The following CNTN3 variants were observed in gnomAD, a reference collection of about 807,000 sequenced individuals.
CNTN3 encodes contactin 3, also known as contactin-3.
CNTN3 carries 60 observed loss-of-function variants against 119.1 expected under a neutral mutation model. That is an observed-to-expected ratio of 0.50 (90% confidence interval 0.41 to 0.62). The LOEUF (loss-of-function observed/expected upper bound fraction) is 0.62. CNTN3 is among the 20% of genes least tolerant of loss of function. The probability of loss-of-function intolerance (pLI) is 0.00; values close to 1 mark genes in which losing one functional copy is unlikely to be tolerated. For synonymous variants in CNTN3, 450 were observed against 438.7 expected, an observed-to-expected ratio of 1.03 and a Z score of -0.32; for missense variants, 1,101 against 1,242.4, an observed-to-expected ratio of 0.89 and a Z score of 1.71.
intron 1 of CNTN3, among the ~76,000 whole-genome samples, chr3:74,602,551 C>T (rs1210199493): frequency 6.6e-6 from 1 of 151,910 alleles, no homozygotes; most frequent in African/African-American, 2.4e-5. Flanking sequence ...GTACTTCTGC[C>T]ATAAGCTGTA....
At chr3:74,511,139 C>T (rs1254491755) in intron 2 of CNTN3, among the ~76,000 whole-genome samples, 1 of 151,774 alleles carries the variant, frequency 6.6e-6, no homozygotes, top group Non-Finnish European at 1.5e-5. Flanking sequence ...AATTGAATGG[C>T]TTCATTTAAA....
At chr3:74,291,377 T>C (rs2106795143) in intron 19 of CNTN3, among the ~76,000 whole-genome samples, 1 of 152,348 alleles carries the variant, frequency 6.6e-6, no homozygotes, top group Non-Finnish European at 1.5e-5. Context: ...GCATGTGTCT[T>C]TATAGCAGCA....
intron 13 of CNTN3, among the ~76,000 whole-genome samples, chr3:74,315,639 G>C (rs1329027109): frequency 2.0e-5 from 3 of 152,116 alleles, no homozygotes; most frequent in Non-Finnish European, 2.9e-5. Context: ...ACAGTAGCTA[G>C]AAAATCCTCA....
intron 1 of CNTN3, among the ~76,000 whole-genome samples, chr3:74,546,720 A>G (rs1006083305): frequency 6.6e-6 from 1 of 152,042 alleles, no homozygotes; most frequent in African/African-American, 2.4e-5. Context: ...AGGTTTTGGG[A>G]CTTGGACTGG....
intron 13 of CNTN3, among the ~76,000 whole-genome samples, chr3:74,312,205 G>A (rs776657896): frequency 1.1e-4 from 16 of 152,050 alleles, no homozygotes; most frequent in Admixed American, 3.9e-4. Context: ...TGTAATCCCA[G>A]CACTTTGGGA....
intron 4 of CNTN3, among the ~76,000 whole-genome samples, chr3:74,445,776 T>G (rs933453081): frequency 6.6e-6 from 1 of 152,170 alleles, no homozygotes; most frequent in Non-Finnish European, 1.5e-5. Flanking sequence ...ATTGCTGTGG[T>G]AGCATCAGCA....
intron 2 of CNTN3, among the ~76,000 whole-genome samples, chr3:74,510,210 T>A (rs1703342115): frequency 6.6e-6 from 1 of 151,888 alleles, no homozygotes; most frequent in Non-Finnish European, 1.5e-5. Flanking sequence ...CCTAATCAGA[T>A]TCACTTAACT....
chr3:74,274,852 A>C (rs1002788807), intron 20 of CNTN3, among the ~76,000 whole-genome samples: 1 of 152,200 alleles, frequency 6.6e-6, no homozygotes, highest in Non-Finnish European at 1.5e-5. Context: ...TTATTAAGCT[A>C]ATCAAGGAGG....
chr3:74,575,809 T>C (rs536614681), intron 1 of CNTN3, among the ~76,000 whole-genome samples: 1 of 152,104 alleles, frequency 6.6e-6, no homozygotes, highest in East Asian at 1.9e-4. Flanking sequence ...GCCCAGTGAT[T>C]TACTATGAAG....
chr3:74,549,847 G>A (rs999720409), intron 1 of CNTN3, among the ~76,000 whole-genome samples: 2 of 152,150 alleles, frequency 1.3e-5, no homozygotes, highest in Admixed American at 6.5e-5. Flanking sequence ...AGAGTTTCTC[G>A]CAAGTTCCAA....
intron 5 of CNTN3, among the ~76,000 whole-genome samples, chr3:74,373,072 T>C (rs975836323): frequency 2.6e-5 from 4 of 152,212 alleles, no homozygotes; most frequent in Non-Finnish European, 5.9e-5. Context: ...TGCTGTCATA[T>C]TGGTATAATG....
intron 2 of CNTN3, among the ~76,000 whole-genome samples, chr3:74,517,523 C>T (rs751497635): frequency 5.3e-5 from 8 of 151,884 alleles, no homozygotes; most frequent in Non-Finnish European, 7.4e-5. Context: ...AAGTATAATT[C>T]AGTTTTATCA....
chr3:74,358,596 G>GATTTAGTTATTT (rs1703999208), intron 11 of CNTN3, among the ~76,000 whole-genome samples: 1 of 137,568 alleles, frequency 7.3e-6, no homozygotes, highest in East Asian at 2.1e-4. Flanking sequence ...TTTTTTTTTT[G>GATTTAGTTATTT]ATTTATTTAT....
chr3:74,449,726 A>G (rs758196616), intron 4 of CNTN3, among the ~76,000 whole-genome samples: 12 of 152,138 alleles, frequency 7.9e-5, no homozygotes, highest in Non-Finnish European at 1.2e-4. Context: ...AGTCATTTCA[A>G]TCCAGACATT....
chr3:74,458,634 G>A (rs1702311401), intron 4 of CNTN3, among the ~76,000 whole-genome samples: 2 of 151,952 alleles, frequency 1.3e-5, no homozygotes, highest in African/African-American at 4.8e-5. Context: ...TGACCTTCTG[G>A]AAATAACAGA....
chr3:74,290,749 T>C (rs1702212494), intron 19 of CNTN3, among the ~76,000 whole-genome samples: 2 of 152,132 alleles, frequency 1.3e-5, no homozygotes, highest in Admixed American at 1.3e-4. Context: ...TGGAGTGCAG[T>C]GGCGTGATCT....
intron 13 of CNTN3, among the ~76,000 whole-genome samples, chr3:74,327,397 G>A (rs1028291071): frequency 4.0e-5 from 6 of 151,888 alleles, no homozygotes; most frequent in South Asian, 2.1e-4. Context: ...CAAAGTGCTC[G>A]TATTACAGGC....
At chr3:74,361,537 T>C (rs1704072870) in intron 11 of CNTN3, among the ~76,000 whole-genome samples, 1 of 152,216 alleles carries the variant, frequency 6.6e-6, no homozygotes, top group Non-Finnish European at 1.5e-5. Context: ...CTTTGGCATG[T>C]GCTGTTATTA....
chr3:74,327,207 C>A (rs1286517159), intron 13 of CNTN3, among the ~76,000 whole-genome samples: 1 of 149,030 alleles, frequency 6.7e-6, no homozygotes, highest in Non-Finnish European at 1.5e-5. Flanking sequence ...CAGCTCACTG[C>A]AACCTCTCCC....
Sources: gnomAD v4.1 joint callset for allele counts (sites outside exome capture counted in the v4.1 genomes callset) on GRCh38, gnomAD v4.1.1 for gene constraint, MANE v1.5 for transcripts, NCBI Gene and HGNC (gene_info 2026-07-23, HGNC 2026-07-21) for gene names.